DYNC1H1: variants seen among roughly 807,000 people sequenced by gnomAD.
The protein encoded by DYNC1H1 is dynein cytoplasmic 1 heavy chain 1, also known as cytoplasmic dynein 1 heavy chain 1.
Under a neutral mutation model 527.1 loss-of-function variants are expected in DYNC1H1, and 51 were observed. That is an observed-to-expected ratio of 0.10 (90% CI 0.08 to 0.12). The LOEUF (loss-of-function observed/expected upper bound fraction) is 0.12. Among genes scored for constraint, DYNC1H1 ranks in the 10% least tolerant of loss-of-function variants. The pLI is 1.00. For missense variants in DYNC1H1, 2,771 were observed against 5,971.8 expected, an observed-to-expected ratio of 0.46 and a Z score of 17.66; for synonymous variants, 2,189 against 2,278.8, an observed-to-expected ratio of 0.96 and a Z score of 1.12.
intron 10 of DYNC1H1, 69 bp downstream of exon 10, chr14:101,988,921 T>C: frequency 6.3e-7 from 1 of 1,594,652 alleles, no homozygotes; most frequent in Non-Finnish European, 8.5e-7. Flanking sequence ...AAAAAACACC[T>C]ATGGAAAGGT....
In DYNC1H1 at chr14:102,012,263, T is replaced by C. The variant is rs759376596; in HGVS notation, c.6858-51T>C. 4 of 1,613,928 alleles carry C rather than the reference T, an allele frequency of 2.5e-6. No individual in the cohort carries two copies. In the South Asian group the frequency reaches 3.3e-5, roughly 13 times the overall value. On this transcript the variant is annotated intron_variant, in intron 33 of 77. Transcript: ENST00000360184. This position sits in a 1 kb window ranked among gnomAD's most constrained non-coding sequence, Gnocchi z 4.9. ...AACCATCATCGGTAAACATGCCTAA[T>C]GTTAAAATCTTGATTTAATCAGCAG...
rs577511904 is a variant in DYNC1H1 at position 101,999,896 on chromosome 14, A to G, written c.3805-93A>G. ...GTGCAAAGAATCCGAAACGTCCAGA[A>G]GCCCTGCAGGCTCTGTGCACCATTT... On this transcript the variant is annotated intron_variant, in intron 16 of 77. Coordinates refer to ENST00000360184, the MANE Select transcript of DYNC1H1 (RefSeq NM_001376.5). 1.5e-5 allele frequency: 23 copies of G among 1,579,718 alleles called. No individual in the cohort carries two copies. The African/African-American group carries it at 2.7e-4, about 18-fold the overall frequency.
chr14:102,041,561 G>A lies in DYNC1H1; in HGVS notation c.11942-13G>A. 3 of 1,613,876 alleles carry A rather than the reference G, an allele frequency of 1.9e-6. 1 individual carries two copies. The South Asian group carries it at 3.3e-5, about 18-fold the overall frequency. Reference sequence around the variant, plus strand: ...GCTTCCACCCAGCACCCACCCCTCTGTACCTGTTTCAGCACCCATTGGCCA... The same window carrying A: ...GCTTCCACCCAGCACCCACCCCTCTATACCTGTTTCAGCACCCATTGGCCA... On this transcript the variant is annotated splice_polypyrimidine_tract_variant and intron_variant, in intron 64 of 77. Coordinates refer to ENST00000360184, the MANE Select transcript of DYNC1H1 (RefSeq NM_001376.5). The surrounding 1 kb of genome is among the most constrained non-coding windows in gnomAD (Gnocchi z 4.5).
Position 102,048,227 on chromosome 14 carries a change from C to G in DYNC1H1, c.13218+199C>G. 7.9e-6 allele frequency: 6 copies of G among 763,516 alleles called. No homozygotes were observed. The South Asian group carries it at 1.1e-4, about 14-fold the overall frequency. 47.3% of individuals were successfully genotyped at this position (763,516 alleles called of 1,614,324 possible). On this transcript the variant is annotated intron_variant, in intron 73 of 77. Coordinates refer to ENST00000360184, the MANE Select transcript of DYNC1H1 (RefSeq NM_001376.5). The stretch of plus-strand genomic sequence containing the variant: ...GCCCTTTTGAAATGGACTGAAAACA[C>G]CCTAGAAGATTGTGAGATAGGCAGA...
At chr14:101,999,553 T>G (rs1250925914) in intron 16 of DYNC1H1, among the ~76,000 whole-genome samples, 1 of 152,244 alleles carries the variant, frequency 6.6e-6, no homozygotes, top group Non-Finnish European at 1.5e-5. Context: ...GTGTTAATGC[T>G]GAAGTAGAGT....
At position 102,043,987 on chromosome 14, in the gene DYNC1H1, A is replaced by C; in HGVS notation, c.12626A>C (p.Glu4209Ala). The change falls in exon 70 of 78, where the codon GAG becomes GCG. Residue 4209 changes from glutamate (E) to alanine (A), a missense_variant. By Grantham distance (107) the Glu-to-Ala change is moderately radical. This residue lies in a region of DYNC1H1 where 195 missense variants were observed against 428.6 expected (regional missense o/e 0.45). Coordinates refer to ENST00000360184, the MANE Select transcript of DYNC1H1 (RefSeq NM_001376.5). ...TGGTCAAAGAAGTATGAATTTGGAG[A>C]GTCTGACCTGCGGTCAGCTTGCGAT... The part of the protein sequence containing the change: ...LGWSKKYEFG[E>A]SDLRSACDTV... 1 of 1,614,244 alleles carries C rather than the reference A, an allele frequency of 6.2e-7. No individual in the cohort carries two copies. Among genetic ancestry groups the C allele is most frequent in the Non-Finnish European group, 8.5e-7 (1 of 1,180,048 alleles).
rs1232544540 is a variant in DYNC1H1, at chr14:101,965,521, G to A, written c.256+574G>A. Among the ~76,000 whole-genome samples, 1 of 152,186 alleles carries A rather than the reference G, an allele frequency of 6.6e-6. No individual in the cohort carries two copies. Among genetic ancestry groups the A allele is most frequent in the African/African-American group, 2.4e-5 (1 of 41,464 alleles). The stretch of plus-strand genomic sequence containing the variant: ...AGCCCTGCCTTGTGGGGACCCAGAG[G>A]CCGAGGCCCACAGAGCGACGGTGCC... On this transcript the variant is annotated intron_variant, in intron 1 of 77. Transcript: ENST00000360184. This position sits in a 1 kb window ranked among gnomAD's most constrained non-coding sequence, Gnocchi z 4.1.
At chr14:101,994,399 C>T in intron 12 of DYNC1H1, 75 bp downstream of exon 12, 1 of 1,604,170 alleles carries the variant, frequency 6.2e-7, no homozygotes, top group Non-Finnish European at 8.5e-7. Flanking sequence ...ATATAAAGAA[C>T]ATGGAGCTAA....
In DYNC1H1 at chr14:102,036,899, A is replaced by C; in HGVS notation, c.10908+257A>C. ...GGCGGGTGGATCATCTAAGGTCAGGAATTCAAGAAAAGCCTGGCTAAACCC... is the reference window on the plus strand; with the variant it reads ...GGCGGGTGGATCATCTAAGGTCAGGCATTCAAGAAAAGCCTGGCTAAACCC... On this transcript the variant is annotated intron_variant, in intron 57 of 77. Coordinates refer to ENST00000360184, the MANE Select transcript of DYNC1H1 (RefSeq NM_001376.5). The surrounding 1 kb of genome is among the most constrained non-coding windows in gnomAD (Gnocchi z 5.6). 1 of 400,344 alleles carries C rather than the reference A, an allele frequency of 2.5e-6. No homozygotes were observed. The highest frequency in any genetic ancestry group is 4.7e-6 in the Non-Finnish European group (1 of 211,840). 24.8% of individuals were successfully genotyped at this position (400,344 alleles called of 1,614,324 possible).
At chr14:101,975,314 T>C (rs1566994887) in intron 1 of DYNC1H1, among the ~76,000 whole-genome samples, 1 of 152,232 alleles carries the variant, frequency 6.6e-6, no homozygotes, top group Non-Finnish European at 1.5e-5. Context: ...GAGCAGAATA[T>C]TCTTGAGAGC....
chr14:102,044,060 T>C lies in DYNC1H1; in HGVS notation c.12684+15T>C. On this transcript the variant is annotated intron_variant, in intron 70 of 77. Transcript: ENST00000360184. The surrounding 1 kb of genome is among the most constrained non-coding windows in gnomAD (Gnocchi z 7.1). ...ACACGGCCAAGGCAAGTGTGGGCCA[T>C]GCCAGGACAGACAGTGGACGTGTAT... The C allele has an allele frequency of 6.2e-7, 1 of 1,613,198 alleles. No individual in the cohort carries two copies. Among genetic ancestry groups the C allele is most frequent in the South Asian group, 1.1e-5 (1 of 91,044 alleles).
At position 102,005,779 on chromosome 14, in the gene DYNC1H1, T is replaced by C. The variant is rs1431625240; in HGVS notation, c.5434-109T>C. 31 of 1,386,068 alleles carry C rather than the reference T, an allele frequency of 2.2e-5. No individual in the cohort carries two copies. Among genetic ancestry groups the C allele is most frequent in the Non-Finnish European group, 2.8e-5 (27 of 979,966 alleles). 85.9% of individuals were successfully genotyped at this position (1,386,068 alleles called of 1,614,324 possible). ...CTTTTGGAACATTTACTGAAAGCCA[T>C]TGTAACTGGACCTAGAACCTCAATT... is the stretch of plus-strand genomic sequence containing the variant. On this transcript the variant is annotated intron_variant, in intron 26 of 77. Coordinates refer to ENST00000360184, the MANE Select transcript of DYNC1H1 (RefSeq NM_001376.5). The surrounding 1 kb of genome is among the most constrained non-coding windows in gnomAD (Gnocchi z 4.0).
intron 48 of DYNC1H1, chr14:102,028,706 C>G (rs1191034923): frequency 1.1e-5 from 2 of 180,868 alleles, no homozygotes. Flanking sequence ...TCTCCTTTGC[C>G]TTTGTCTCCC....
In DYNC1H1 at chr14:102,054,265, T is replaced by C. The variant is rs1488748201; in HGVS notation, c.*3702T>C. ...GCTCTTCCAAAGGGCAAGGCAGCATTTTCCTGGTGAGGGGCAAGCGAAGCT... is the reference window on the plus strand; with the variant it reads ...GCTCTTCCAAAGGGCAAGGCAGCATCTTCCTGGTGAGGGGCAAGCGAAGCT... On this transcript the variant is annotated 3_prime_UTR_variant, in exon 78 of 78. Transcript: ENST00000360184. The C allele has an allele frequency of 6.6e-6, 1 of 152,234 alleles. No homozygotes were observed. Among genetic ancestry groups the C allele is most frequent in the East Asian group, 1.9e-4 (1 of 5,186 alleles). The allele number at this position is 152,234 out of a possible 1,614,324, so 9.4% of individuals were successfully genotyped here. A position where few individuals can be genotyped will look rare whatever the true frequency, so the allele number is the denominator to read the frequency against.
rs2048373082 is a variant in DYNC1H1 at position 102,020,522 on chromosome 14, C to T, written c.8507+466C>T. ...TGCGTGTTCCGTAACCACCACCCCT[C>T]TTCCTGTTTCTCAGTCTGTGTTCTC... On this transcript the variant is annotated intron_variant, in intron 42 of 77. Coordinates refer to ENST00000360184, the MANE Select transcript of DYNC1H1 (RefSeq NM_001376.5). This position sits in a 1 kb window ranked among gnomAD's most constrained non-coding sequence, Gnocchi z 4.3. Among the ~76,000 whole-genome samples, 1 of 152,210 alleles carries T rather than the reference C, an allele frequency of 6.6e-6. No individual in the cohort carries two copies. Among genetic ancestry groups the T allele is most frequent in the South Asian group, 2.1e-4 (1 of 4,832 alleles).
chr14:102,032,669 T>C (rs1316270217), intron 52 of DYNC1H1: 1 of 679,188 alleles, frequency 1.5e-6, no homozygotes, highest in South Asian at 1.8e-5. Flanking sequence ...CTGGGCTACA[T>C]GGCGACACCC....
chr14:101,984,949 A>G (rs1394618211), intron 7 of DYNC1H1, among the ~76,000 whole-genome samples: 4 of 150,882 alleles, frequency 2.7e-5, no homozygotes, highest in Non-Finnish European at 5.9e-5. Flanking sequence ...AAAAAAAAAA[A>G]AAAAAAAAGG....
intron 15 of DYNC1H1, among the ~76,000 whole-genome samples, chr14:101,996,545 G>C (rs903308835): frequency 5.9e-5 from 9 of 152,204 alleles, no homozygotes; most frequent in Admixed American, 5.2e-4. Context: ...GCTGCGGTGG[G>C]CTCTCAGAGG....
intron 34 of DYNC1H1, among the ~76,000 whole-genome samples, chr14:102,014,230 G>A (rs528414069): frequency 6.7e-4 from 102 of 152,228 alleles, no homozygotes; most frequent in African/African-American, 1.4e-3. Flanking sequence ...AGTCACCTGC[G>A]CCATCTTTAA....
Sources: allele counts gnomAD v4.1 joint callset (sites outside exome capture counted in the v4.1 genomes callset), GRCh38; gene constraint gnomAD v4.1.1; regional missense constraint gnomAD v4.1.1; non-coding constraint Gnocchi (gnomAD v3.1); transcripts MANE v1.5; gene names NCBI Gene and HGNC (gene_info 2026-07-23, HGNC 2026-07-21).